Variants in PATJ observed in about 807,000 individuals in gnomAD.
The protein encoded by PATJ is PATJ crumbs cell polarity complex component.
Under a neutral mutation model 224.9 loss-of-function variants are expected in PATJ, and 190 were observed. That is an observed-to-expected ratio of 0.84 (90% confidence interval 0.75 to 0.95). The LOEUF is 0.95. Ranked by LOEUF, PATJ falls within the 40% of genes least tolerant of loss-of-function variation. The pLI, the probability that PATJ is intolerant of heterozygous loss-of-function variation, is 0.00. For synonymous variants in PATJ, 769 were observed against 820.3 expected (o/e 0.94, Z 1.07); for missense variants, 2,121 against 2,270.3 (o/e 0.93, Z 1.34).
intron 31 of PATJ, among the ~76,000 whole-genome samples, chr1:62,056,481 C>T (rs1441622555): frequency 6.6e-6 from 1 of 151,826 alleles, no homozygotes; most frequent in East Asian, 1.9e-4. Context: ...TGAGCTATGA[C>T]CACGCCCCTG....
chr1:61,935,044 G>A (rs986778746), intron 27 of PATJ, among the ~76,000 whole-genome samples: 2 of 152,168 alleles, frequency 1.3e-5, no homozygotes, highest in African/African-American at 4.8e-5. Context: ...TGATCCCAGA[G>A]GTTAAATGCT....
Position 62,038,402 on chromosome 1 carries a change from G to A in PATJ, c.4032+353G>A, listed in dbSNP as rs117239061. On this transcript the variant is annotated intron_variant, in intron 30 of 43. Transcript: ENST00000642238. Reference sequence around the variant, plus strand: ...ATACTTTAATACCTGTGATCAAGGTGTCTTTAAATAATTGCTTTCATCTGT... The same window carrying A: ...ATACTTTAATACCTGTGATCAAGGTATCTTTAAATAATTGCTTTCATCTGT... 10 of 161,470 alleles carry A rather than the reference G, an allele frequency of 6.2e-5. No individual in the cohort carries two copies. The East Asian group carries it at 1.8e-3, about 29-fold the overall frequency. The allele number at this position is 161,470 out of a possible 1,614,324, so 10.0% of individuals were successfully genotyped here. A position where few individuals can be genotyped will look rare whatever the true frequency, so the allele number is the denominator to read the frequency against.
intron 41 of PATJ, among the ~76,000 whole-genome samples, chr1:62,141,336 G>C (rs74076556): frequency 3.3e-5 from 5 of 152,086 alleles, no homozygotes; most frequent in South Asian, 4.1e-4. Flanking sequence ...GGACTCAGAA[G>C]GATGCTTAAA....
intron 28 of PATJ, among the ~76,000 whole-genome samples, chr1:62,004,719 C>T (rs1460003570): frequency 6.6e-6 from 1 of 152,058 alleles, no homozygotes; most frequent in African/African-American, 2.4e-5. Flanking sequence ...GTGTGTGTGC[C>T]TTCTATGTTG....
intron 27 of PATJ, among the ~76,000 whole-genome samples, chr1:61,941,344 A>G (rs2149344931): frequency 6.6e-6 from 1 of 152,288 alleles, no homozygotes; most frequent in Non-Finnish European, 1.5e-5. Context: ...CAAAGAGTAT[A>G]ATGTTGTTTA....
At chr1:61,796,722 CTT>C (rs765789274) in intron 10 of PATJ, among the ~76,000 whole-genome samples, 8,566 of 29,706 alleles carry the variant, frequency 0.29, 466 homozygotes, top group African/African-American at 0.36. Context: ...TTCTTTCTTT[CTT>C]TTTCTTTCTT....
chr1:61,908,456 G>T lies in PATJ; in HGVS notation c.3466G>T (p.Val1156Phe). 5 of 1,613,580 alleles carry T rather than the reference G, an allele frequency of 3.1e-6. No individual in the cohort carries two copies. The highest frequency in any genetic ancestry group is 4.2e-6 in the Non-Finnish European group (5 of 1,179,562). The change falls in exon 25 of 44, where the codon GTT (valine) becomes TTT (phenylalanine). Residue 1156 changes from valine (V) to phenylalanine (F), a missense_variant. Coordinates refer to ENST00000642238, the MANE Select transcript of PATJ (RefSeq NM_001350145.3). ...TGCAGGAAACCCTGTGGTGTTCATT[G>T]TTCAGAGTTTGTCATCCACTCCACG... ...KNAGNPVVFI[V>F]QSLSSTPRVI...
intron 34 of PATJ, 112 bp downstream of exon 34, chr1:62,108,632 T>A (rs891778758): frequency 3.5e-5 from 19 of 540,010 alleles, no homozygotes; most frequent in Admixed American, 2.0e-4. Context: ...CTCTCCCATT[T>A]AACAAAATAC....
chr1:62,110,075 C>G (rs1663614564), intron 34 of PATJ, among the ~76,000 whole-genome samples: 1 of 152,150 alleles, frequency 6.6e-6, no homozygotes, highest in South Asian at 2.1e-4. Flanking sequence ...TTAACAGTTT[C>G]CTGGCAACTG....
chr1:61,994,224 A>G (rs1645226028), intron 28 of PATJ, among the ~76,000 whole-genome samples: 1 of 152,246 alleles, frequency 6.6e-6, no homozygotes, highest in Non-Finnish European at 1.5e-5. Context: ...CTGTATGAAC[A>G]AAGTGTAGAT....
chr1:61,754,522 T>G (rs1020762193), intron 1 of PATJ, among the ~76,000 whole-genome samples: 60 of 6,600 alleles, frequency 9.1e-3, no homozygotes, highest in African/African-American at 0.019. Flanking sequence ...TTTTGCATGT[T>G]TTTTTTTTTT....
At chr1:61,891,818 T>C (rs1669645940) in intron 22 of PATJ, among the ~76,000 whole-genome samples, 1 of 152,160 alleles carries the variant, frequency 6.6e-6, no homozygotes, top group Non-Finnish European at 1.5e-5. Flanking sequence ...AAGATATGTA[T>C]ACATTCATGT....
chr1:61,831,039 T>C (rs1228123194), intron 16 of PATJ, among the ~76,000 whole-genome samples: 2 of 151,594 alleles, frequency 1.3e-5, no homozygotes, highest in African/African-American at 4.8e-5. Context: ...TACAAAAAAT[T>C]AGCTGGGTGT....
At chr1:62,049,484 C>G (rs372413862) in intron 30 of PATJ, among the ~76,000 whole-genome samples, 1 of 152,110 alleles carries the variant, frequency 6.6e-6, no homozygotes, top group African/African-American at 2.4e-5. Context: ...ACTCTTTTCC[C>G]TATAAACTAT....
At chr1:61,755,783 A>G (rs1192197075) in intron 1 of PATJ, among the ~76,000 whole-genome samples, 1 of 152,188 alleles carries the variant, frequency 6.6e-6, no homozygotes, top group Non-Finnish European at 1.5e-5. Context: ...TTTTCAAAAG[A>G]CATACAAAAT....
At chr1:62,098,084 G>A (rs2093629) in intron 33 of PATJ, among the ~76,000 whole-genome samples, 4,709 of 152,214 alleles carry the variant, frequency 0.031, 239 homozygotes, top group African/African-American at 0.11. Context: ...GGCTTGCTGG[G>A]TGTGGTGGCT....
Position 62,114,125 on chromosome 1 carries a change from G to T in PATJ, c.4534G>T (p.Val1512Leu). The change falls in exon 35 of 44, where the codon GTG becomes TTG. Residue 1512 changes from valine (V) to leucine (L), a missense_variant. Transcript: ENST00000642238. ...AGCCCTGAGGCAGACCCCCCAGAAG[G>T]TGCGGCTGGTGGTGTATAGAGATGA... ...ITALRQTPQK[V>L]RLVVYRDEAH... is the part of the protein sequence containing the mutation. The T allele has an allele frequency of 6.2e-7, 1 of 1,614,158 alleles. No individual in the cohort carries two copies. The highest frequency in any genetic ancestry group is 1.6e-4 in the Middle Eastern group (1 of 6,062).
At chr1:61,950,965 G>A (rs184106710) in intron 27 of PATJ, among the ~76,000 whole-genome samples, 1 of 152,184 alleles carries the variant, frequency 6.6e-6, no homozygotes, top group Non-Finnish European at 1.5e-5. Flanking sequence ...TGGTCAACAT[G>A]GTGAAACCCC....
intron 42 of PATJ, among the ~76,000 whole-genome samples, chr1:62,151,232 C>CA (rs1668600467): frequency 6.6e-6 from 1 of 152,274 alleles, no homozygotes; most frequent in African/African-American, 2.4e-5. Context: ...CTGCTGTAAA[C>CA]AAACAGTAAG....
Sources: gnomAD v4.1 joint callset for allele counts (sites outside exome capture counted in the v4.1 genomes callset) on GRCh38, gnomAD v4.1.1 for gene constraint, MANE v1.5 for transcripts, NCBI Gene and HGNC (gene_info 2026-07-23, HGNC 2026-07-21) for gene names.